The following ABCA4 variants were observed in gnomAD, a reference collection of about 807,000 sequenced individuals.
ABCA4 encodes retinal-specific phospholipid-transporting ATPase ABCA4.
ABCA4 carries 196 observed loss-of-function variants against 263.7 expected under a neutral mutation model. The ratio of observed to expected loss-of-function variants is 0.74; its 90% confidence interval spans 0.66 to 0.84. The LOEUF is 0.84. ABCA4 is among the 40% of genes least tolerant of loss of function. ABCA4 has a pLI of 0.00. For synonymous variants in ABCA4, 1,133 were observed against 1,094.2 expected, an observed-to-expected ratio of 1.04 and a Z score of -0.70; for missense variants, 2,792 against 2,855.1, an observed-to-expected ratio of 0.98 and a Z score of 0.50.
At position 94,055,157 on chromosome 1, in the gene ABCA4, A is replaced by C; in HGVS notation, c.2541T>G (p.Ala847=). The part of the protein sequence containing the change: ...LLSMQMMLLD[A]AVYGLLAWYL... ...ACCAAGCGAGTAAGCCATAGACAGC[A>C]GCATCAAGGAGCATCATCTGCATGG... is the stretch of plus-strand genomic sequence containing the variant. Residue 847 remains alanine, a synonymous_variant, in exon 16 of 50, where the codon GCT becomes GCG. Coordinates refer to ENST00000370225, the MANE Select transcript of ABCA4 (RefSeq NM_000350.3). 6.2e-7 allele frequency: 1 copy of C among 1,614,216 alleles called. No homozygotes were observed. Among genetic ancestry groups the C allele is most frequent in the Non-Finnish European group, 8.5e-7 (1 of 1,180,042 alleles).
intron 6 of ABCA4, among the ~76,000 whole-genome samples, chr1:94,091,305 G>A (rs1661959211): frequency 6.6e-6 from 1 of 152,032 alleles, no homozygotes; most frequent in Non-Finnish European, 1.5e-5. Context: ...ATGAGGGTCC[G>A]GTCCTCACAC....
chr1:94,060,433 G>T (rs925864471), intron 14 of ABCA4, 104 bp downstream of exon 14: 2 of 1,087,176 alleles, frequency 1.8e-6, no homozygotes, highest in Non-Finnish European at 2.8e-6. Context: ...TAGATGTCAC[G>T]CTCTCCTTGG....
At chr1:94,040,686 T>C (rs1660461890) in intron 23 of ABCA4, among the ~76,000 whole-genome samples, 2 of 152,196 alleles carry the variant, frequency 1.3e-5, no homozygotes, top group Non-Finnish European at 2.9e-5. Flanking sequence ...ATTAAATAAT[T>C]TGCCTAGGAT....
chr1:94,083,410 C>T lies in ABCA4; in HGVS notation c.800G>A (p.Gly267Asp), dbSNP rs1661752977. The change falls in exon 7 of 50, where the codon GGT becomes GAT. Residue 267 changes from glycine to aspartate, a missense_variant. Gly to Asp is a moderately conservative substitution (Grantham distance 94, BLOSUM62 -1). Transcript: ENST00000370225. The stretch of plus-strand genomic sequence containing the variant: ...TCCTCCCCAAGATCTCAGATTGATA[C>T]CTTGAGAACGGCTGTCTAGGAGTGT... ...LPTLLDSRSQ[G>D]INLRSWGGIL... 1.2e-6 allele frequency: 2 copies of T among 1,613,642 alleles called. No individual in the cohort carries two copies. The highest frequency in any genetic ancestry group is 1.3e-5 in the African/African-American group (1 of 74,864).
intron 16 of ABCA4, among the ~76,000 whole-genome samples, chr1:94,054,778 T>G (rs1176183231): frequency 1.3e-5 from 2 of 152,056 alleles, no homozygotes; most frequent in Non-Finnish European, 2.9e-5. Context: ...AGTGCAAGCA[T>G]TTGACAGAGA....
rs61749427 is a variant in ABCA4 at position 94,060,536 on chromosome 1, C to A, written c.2160+1G>T. 6.2e-7 allele frequency: 1 copy of A among 1,613,306 alleles called. No homozygotes were observed. The highest frequency in any genetic ancestry group is 8.5e-7 in the Non-Finnish European group (1 of 1,179,862). Reference sequence around the variant, plus strand: ...TTCTGGGCCTTCTCCATTTGGCTTACCATGATGAATATCGTCAGGAGGAAG... The same window carrying A: ...TTCTGGGCCTTCTCCATTTGGCTTAACATGATGAATATCGTCAGGAGGAAG... On this transcript the variant is annotated splice_donor_variant, in intron 14 of 49. Transcript: ENST00000370225. LOFTEE classifies it high-confidence loss of function.
chr1:94,117,313 T>A (rs1470271107), intron 1 of ABCA4, among the ~76,000 whole-genome samples: 3 of 152,074 alleles, frequency 2.0e-5, no homozygotes, highest in Non-Finnish European at 1.5e-5. Context: ...TGGACAAACA[T>A]GACCCGGAGC....
At chr1:94,037,484 C>G (rs1412225009) in intron 24 of ABCA4, 134 bp from the exon 25 acceptor site, 1 of 812,052 alleles carries the variant, frequency 1.2e-6, no homozygotes, top group Non-Finnish European at 2.0e-6. Context: ...GTGACTCTTT[C>G]AGAGGACTGA....
In ABCA4 at chr1:94,030,413, C is replaced by A. The variant is rs139611589; in HGVS notation, c.4352+15G>T. On this transcript the variant is annotated intron_variant, in intron 29 of 49. Coordinates refer to ENST00000370225, the MANE Select transcript of ABCA4 (RefSeq NM_000350.3). ...GGAGCTAGTCTTCTTAGGACAGGGG[C>A]GCGTAGGCACTTACGGAAGCCACCC... 3 of 1,612,894 alleles carry A rather than the reference C, an allele frequency of 1.9e-6. No individual in the cohort carries two copies. The highest frequency in any genetic ancestry group is 2.5e-6 in the Non-Finnish European group (3 of 1,178,960).
At chr1:94,029,701 T>C in intron 29 of ABCA4, 70 bp from the exon 30 acceptor site, 1 of 1,459,786 alleles carries the variant, frequency 6.9e-7, no homozygotes, top group Non-Finnish European at 9.4e-7. Flanking sequence ...GCATAAGAAA[T>C]TGTGCCCAAC....
intron 20 of ABCA4, 77 bp from the exon 21 acceptor site, chr1:94,043,552 A>G (rs1169750628): frequency 1.9e-6 from 3 of 1,580,408 alleles, no homozygotes; most frequent in Non-Finnish European, 2.6e-6. Context: ...GAAATAATTG[A>G]GGACAAGTAT....
rs369174583 is a variant in ABCA4, at chr1:94,047,112, A to T, written c.2744-19T>A. 1.2e-6 allele frequency: 2 copies of T among 1,613,646 alleles called. No individual in the cohort carries two copies. The highest frequency in any genetic ancestry group is 2.7e-5 in the African/African-American group (2 of 74,924). On this transcript the variant is annotated intron_variant, in intron 18 of 49. Coordinates refer to ENST00000370225, the MANE Select transcript of ABCA4 (RefSeq NM_000350.3). ...AAGGAGTCTTGGAGGAAAAAAAATG[A>T]ACATGATGTAAACATAATGCCTAAT...
rs17110718 is a variant in ABCA4 at position 93,993,444 on chromosome 1, A to T, written c.6817-202T>A. ...AATCTATGAATCAGGTCTCCCTGGT[A>T]CTAAGATCCAGGCATTTGTTACAAA... is the stretch of plus-strand genomic sequence containing the variant. On this transcript the variant is annotated intron_variant, in intron 49 of 49. Transcript: ENST00000370225. Among the ~76,000 whole-genome samples, 9,576 of 152,020 alleles carry T rather than the reference A, an allele frequency of 0.063. 1,036 individuals are homozygous for T. The highest frequency in any genetic ancestry group is 0.22 in the African/African-American group (9,062 of 41,370).
In ABCA4 at chr1:94,093,933, A is replaced by C. The variant is rs559358292; in HGVS notation, c.768+4861T>G. Among the ~76,000 whole-genome samples, 9 of 152,292 alleles carry C rather than the reference A, an allele frequency of 5.9e-5. No individual in the cohort carries two copies. In the East Asian group the frequency reaches 1.4e-3, roughly 23 times the overall value. On this transcript the variant is annotated intron_variant, in intron 6 of 49. Transcript: ENST00000370225. ...CTTGAATATTTTCATAAAACCCCCC[A>C]AAAACAACAACAAAAACCTTCCTGA... is the stretch of plus-strand genomic sequence containing the variant.
In ABCA4 at chr1:94,032,643, C is replaced by CA. The variant is rs1235127478; in HGVS notation, c.3863-601dup. ...GAGCAAGACTCCTTCTCAAACAGCA[C>CA]AAAGAAAACCAAACAAACAAACAAA... On this transcript the variant is annotated intron_variant, in intron 26 of 49. Coordinates refer to ENST00000370225, the MANE Select transcript of ABCA4 (RefSeq NM_000350.3). Among the ~76,000 whole-genome samples the CA allele has an allele frequency of 4.6e-5, 7 of 151,854 alleles. No individual in the cohort carries two copies. In the South Asian group the frequency reaches 8.3e-4, roughly 18 times the overall value.
At chr1:94,021,070 T>C (rs370994559) in intron 35 of ABCA4, among the ~76,000 whole-genome samples, 170 bp downstream of exon 35, 3 of 152,244 alleles carry the variant, frequency 2.0e-5, no homozygotes, top group African/African-American at 4.8e-5. Context: ...CCAAGAGGTC[T>C]GGTATGTGAA....
chr1:94,008,393 C>G, intron 41 of ABCA4, 96 bp from the exon 42 acceptor site: 1 of 1,239,052 alleles, frequency 8.1e-7, no homozygotes. Flanking sequence ...TAGGAGAAAA[C>G]TACCAGCACT....
At chr1:94,061,963 C>G (rs1661140252) in intron 13 of ABCA4, among the ~76,000 whole-genome samples, 1 of 152,150 alleles carries the variant, frequency 6.6e-6, no homozygotes, top group African/African-American at 2.4e-5. Context: ...CCACCCCGGC[C>G]CTTTCTCTAC....
rs886044750 is a variant in ABCA4 at position 94,015,738 on chromosome 1, C to T, written c.5312+1G>A. On this transcript the variant is annotated splice_donor_variant, in intron 37 of 49. Transcript: ENST00000370225. LOFTEE classifies it high-confidence loss of function. ...ATTAGCTAATGGCCCAAACGGCTTA[C>T]CCATACAGCAGGAGCAGTGCCACAA... 3.7e-6 allele frequency: 6 copies of T among 1,610,354 alleles called. No individual in the cohort carries two copies. Among genetic ancestry groups the T allele is most frequent in the Non-Finnish European group, 5.1e-6 (6 of 1,177,126 alleles).
Sources: allele counts gnomAD v4.1 joint callset (sites outside exome capture counted in the v4.1 genomes callset), GRCh38; gene constraint gnomAD v4.1.1; transcripts MANE v1.5; gene names NCBI Gene and HGNC (gene_info 2026-07-23, HGNC 2026-07-21).